The following DOCK3 variants were observed in gnomAD, a reference collection of about 807,000 sequenced individuals.
DOCK3 encodes the protein dedicator of cytokinesis protein 3.
DOCK3 carries 60 observed loss-of-function variants against 265.6 expected under a neutral mutation model. The ratio of observed to expected loss-of-function variants is 0.23; its 90% CI spans 0.18 to 0.28. The LOEUF is 0.28. Ranked by LOEUF, DOCK3 falls within the 10% of genes least tolerant of loss-of-function variation. The pLI, the probability that DOCK3 is intolerant of heterozygous loss-of-function variation, is 1.00. For missense variants in DOCK3, 1,981 were observed against 2,594.3 expected (o/e 0.76, Z 5.14); for synonymous variants, 881 against 938.0 (o/e 0.94, Z 1.11).
chr3:51,269,839 A>G (rs2080403964), intron 23 of DOCK3, among the ~76,000 whole-genome samples: 1 of 152,168 alleles, frequency 6.6e-6, no homozygotes, highest in Non-Finnish European at 1.5e-5. Context: ...CTTTATGTAA[A>G]AATTTCCCTC....
intron 12 of DOCK3, among the ~76,000 whole-genome samples, chr3:51,198,137 A>C (rs2088440403): frequency 1.3e-5 from 2 of 152,216 alleles, no homozygotes; most frequent in South Asian, 4.1e-4. Flanking sequence ...CAGTCTGCCA[A>C]AGGCTGCGTT....
intron 1 of DOCK3, among the ~76,000 whole-genome samples, chr3:50,744,194 T>C (rs894635667): frequency 6.6e-6 from 1 of 152,204 alleles, no homozygotes; most frequent in Admixed American, 6.5e-5. Context: ...ATAAGACATA[T>C]GATTTACAGA....
intron 22 of DOCK3, among the ~76,000 whole-genome samples, chr3:51,253,580 G>T (rs546223267): frequency 5.3e-4 from 81 of 151,958 alleles, no homozygotes; most frequent in Non-Finnish European, 1.0e-4. Context: ...ACTTCTTCCT[G>T]GTTTAGTCTT....
chr3:51,089,898 CAAAAA>C (rs1166631932), intron 8 of DOCK3, among the ~76,000 whole-genome samples: 3 of 42,308 alleles, frequency 7.1e-5, no homozygotes, highest in African/African-American at 1.9e-4. Context: ...GACTCTGTCT[CAAAAA>C]AAAAAAAAAA....
At chr3:50,771,251 G>GA (rs1420032562) in intron 1 of DOCK3, among the ~76,000 whole-genome samples, 5 of 151,938 alleles carry the variant, frequency 3.3e-5, no homozygotes, top group African/African-American at 9.7e-5. Context: ...AACTCTATAG[G>GA]AAAAAAATCC....
At chr3:51,289,320 T>C (rs1471014769) in intron 27 of DOCK3, among the ~76,000 whole-genome samples, 2 of 152,166 alleles carry the variant, frequency 1.3e-5, no homozygotes, top group African/African-American at 4.8e-5. Flanking sequence ...AGTATAGAGT[T>C]TCTTTATGCA....
In DOCK3 at chr3:51,356,195, G is replaced by C; in HGVS notation, c.4356G>C (p.Arg1452Ser). 1.2e-6 allele frequency: 2 copies of C among 1,614,008 alleles called. No individual in the cohort carries two copies. The highest frequency in any genetic ancestry group is 1.7e-6 in the Non-Finnish European group (2 of 1,179,890). The change falls in exon 42 of 53, where the codon AGG becomes AGC. Residue 1452 changes from arginine (R) to serine (S), a missense_variant. This residue lies in a region of DOCK3 where 1,357 missense variants were observed against 1,866.8 expected (regional missense o/e 0.73). Transcript: ENST00000266037. ...VKSFYRVNNV[R>S]KFRYDRPFHK... ...GCTTCTATCGCGTCAACAATGTGAG[G>C]AAGTTCCGGTATGACAGGCCTTTTC...
At chr3:50,910,137 G>A (rs2049785498) in intron 4 of DOCK3, among the ~76,000 whole-genome samples, 1 of 151,850 alleles carries the variant, frequency 6.6e-6, no homozygotes, top group African/African-American at 2.4e-5. Context: ...TTTCATGATT[G>A]TTAGCTTCTT....
At chr3:50,987,585 G>A (rs911542160) in intron 5 of DOCK3, among the ~76,000 whole-genome samples, 1 of 152,144 alleles carries the variant, frequency 6.6e-6, no homozygotes, top group Non-Finnish European at 1.5e-5. Context: ...ACTAGTGTAC[G>A]TGGCTCTCAC....
intron 1 of DOCK3, among the ~76,000 whole-genome samples, chr3:50,735,287 A>G (rs1173930486): frequency 6.6e-6 from 1 of 151,988 alleles, no homozygotes; most frequent in Non-Finnish European, 1.5e-5. Flanking sequence ...AGATCTCTTT[A>G]TGTTTATTCT....
chr3:51,028,779 T>C (rs1022700329), intron 5 of DOCK3, among the ~76,000 whole-genome samples: 1 of 152,240 alleles, frequency 6.6e-6, no homozygotes, highest in East Asian at 1.9e-4. Context: ...TTTGGTTCTT[T>C]TTTTAATATA....
intron 9 of DOCK3, among the ~76,000 whole-genome samples, chr3:51,141,795 G>C (rs1397133299): frequency 3.3e-5 from 5 of 152,134 alleles, no homozygotes; most frequent in Non-Finnish European, 5.9e-5. Context: ...GGCAGCAAAG[G>C]AGATGGCAAG....
intron 4 of DOCK3, among the ~76,000 whole-genome samples, chr3:50,904,175 GC>G (rs2049350330): frequency 6.6e-6 from 1 of 152,168 alleles, no homozygotes; most frequent in Admixed American, 6.5e-5. Flanking sequence ...ATGGACATTT[GC>G]GTTGGTTCCA....
chr3:51,275,748 T>C (rs2080784818), intron 25 of DOCK3, among the ~76,000 whole-genome samples: 1 of 152,178 alleles, frequency 6.6e-6, no homozygotes, highest in Non-Finnish European at 1.5e-5. Context: ...TTTCAACTGA[T>C]ATTGCTTTTA....
At chr3:51,231,889 G>A (rs1446914872) in intron 19 of DOCK3, among the ~76,000 whole-genome samples, 1 of 152,090 alleles carries the variant, frequency 6.6e-6, no homozygotes, top group Non-Finnish European at 1.5e-5. Context: ...TATAGTTTGA[G>A]ATCTTACACT....
chr3:50,729,279 G>A (rs1217417774), intron 1 of DOCK3, among the ~76,000 whole-genome samples: 8 of 147,440 alleles, frequency 5.4e-5, no homozygotes, highest in Non-Finnish European at 7.5e-5. Context: ...CTGTGATTGC[G>A]GCGCTGCACT....
At chr3:50,959,794 A>T (rs537349913) in intron 5 of DOCK3, among the ~76,000 whole-genome samples, 60 of 152,114 alleles carry the variant, frequency 3.9e-4, no homozygotes, top group Non-Finnish European at 7.2e-4. Context: ...GTTAGCCAGG[A>T]TGGTCTCGAT....
chr3:51,061,481 A>G (rs61174735), intron 5 of DOCK3, among the ~76,000 whole-genome samples: 6,958 of 151,760 alleles, frequency 0.046, 575 homozygotes, highest in African/African-American at 0.16. Context: ...CAAACACCGC[A>G]TGTTCTCACT....
intron 1 of DOCK3, among the ~76,000 whole-genome samples, chr3:50,716,180 C>T (rs1048102632): frequency 5.9e-5 from 9 of 151,928 alleles, no homozygotes; most frequent in African/African-American, 1.9e-4. Context: ...CTTTTACTAC[C>T]TGTGTTCCTT....
Sources: gnomAD v4.1 joint callset for allele counts (sites outside exome capture counted in the v4.1 genomes callset) on GRCh38, gnomAD v4.1.1 for gene constraint, gnomAD v4.1.1 regional missense constraint, MANE v1.5 for transcripts, NCBI Gene and HGNC (gene_info 2026-07-23, HGNC 2026-07-21) for gene names.